NREP: variants seen among roughly 807,000 people sequenced by gnomAD.
NREP encodes the protein neuronal regeneration related protein.
Under a neutral mutation model 8.6 loss-of-function variants are expected in NREP, and 5 were observed. That is an observed-to-expected ratio of 0.58 (90% CI 0.30 to 1.22). The LOEUF (loss-of-function observed/expected upper bound fraction) is 1.22, where lower values mean the gene tolerates loss of function less well. NREP is among the 50% of genes most tolerant of loss of function. NREP has a pLI of 0.07. For missense variants in NREP, 86 were observed against 82.5 expected (o/e 1.04, Z -0.17); for synonymous variants, 27 against 28.0 (o/e 0.96, Z 0.11).
intron 2 of NREP, among the ~76,000 whole-genome samples, chr5:111,754,170 C>A (rs912413337): frequency 2.0e-5 from 3 of 152,176 alleles, no homozygotes; most frequent in Non-Finnish European, 4.4e-5. Flanking sequence ...TAAACGACAA[C>A]TGCAAAAAAA....
chr5:111,963,937 A>G (rs982861421), intron 2 of NREP, among the ~76,000 whole-genome samples: 3 of 152,224 alleles, frequency 2.0e-5, no homozygotes, highest in Non-Finnish European at 4.4e-5. Flanking sequence ...AGTAATACCA[A>G]TGTGCACATA....
At chr5:111,753,782 A>C (rs1750528841) in intron 2 of NREP, among the ~76,000 whole-genome samples, 1 of 152,186 alleles carries the variant, frequency 6.6e-6, no homozygotes, top group Non-Finnish European at 1.5e-5. Context: ...TAAGCCAGTT[A>C]CAGAGGTCCA....
At chr5:111,841,136 G>A (rs1753021313) in intron 2 of NREP, among the ~76,000 whole-genome samples, 1 of 152,044 alleles carries the variant, frequency 6.6e-6, no homozygotes, top group African/African-American at 2.4e-5. Context: ...CCAATACAAG[G>A]GTGCATTATC....
rs936320636 is a variant in NREP at position 111,735,496 on chromosome 5, T to C, written c.15A>G (p.Pro5=). The part of the protein sequence containing the change: MVYY[P]ELFVWVSQEP... ...CTTGACTGACCCAGACAAAGAGTTC[T>C]GGGTAATAAACCTATAGAGACACAA... The change falls in exon 3 of 4, where the codon CCA becomes CCG. Residue 5 remains proline, a synonymous_variant. Coordinates refer to ENST00000257435, the MANE Select transcript of NREP (RefSeq NM_004772.4). The C allele has an allele frequency of 6.8e-6, 11 of 1,612,230 alleles. No homozygotes were observed. Among genetic ancestry groups the C allele is most frequent in the African/African-American group, 1.3e-5 (1 of 74,908 alleles).
At chr5:111,923,464 A>C (rs1396755685) in intron 2 of NREP, among the ~76,000 whole-genome samples, 2 of 152,184 alleles carry the variant, frequency 1.3e-5, no homozygotes, top group African/African-American at 4.8e-5. Flanking sequence ...TTGAAGTGAG[A>C]GCAAGTTTTT....
chr5:111,953,234 A>C (rs1220472343), intron 2 of NREP, among the ~76,000 whole-genome samples: 1 of 152,140 alleles, frequency 6.6e-6, no homozygotes, highest in East Asian at 1.9e-4. Context: ...GCATAGGCTC[A>C]AAGCCCTGTC....
At chr5:111,838,259 G>A (rs866719015) in intron 2 of NREP, among the ~76,000 whole-genome samples, 3 of 151,966 alleles carry the variant, frequency 2.0e-5, no homozygotes, top group Admixed American at 1.3e-4. Flanking sequence ...TTGTGCTTAC[G>A]CACACCTCAG....
intron 2 of NREP, among the ~76,000 whole-genome samples, chr5:111,769,897 A>C (rs934185427): frequency 1.4e-4 from 21 of 152,190 alleles, no homozygotes; most frequent in Admixed American, 1.1e-3. Context: ...ATTTGACTTG[A>C]GATCTGGGTG....
intron 2 of NREP, among the ~76,000 whole-genome samples, chr5:111,901,774 T>A (rs1754653241): frequency 6.6e-6 from 1 of 151,992 alleles, no homozygotes; most frequent in African/African-American, 2.4e-5. Flanking sequence ...AAAATTGAAA[T>A]TATAAAATAC....
At chr5:111,940,050 A>G (rs1049526166) in intron 2 of NREP, 1 of 152,068 alleles carries the variant, frequency 6.6e-6, no homozygotes, top group South Asian at 2.1e-4. Flanking sequence ...TACAGTGAAG[A>G]AGAAGAATCA....
intron 2 of NREP, among the ~76,000 whole-genome samples, chr5:111,963,082 G>C (rs1274713105): frequency 2.0e-5 from 3 of 152,246 alleles, no homozygotes; most frequent in African/African-American, 7.2e-5. Context: ...AACGAGGCAA[G>C]GGGCCCACTG....
At chr5:111,948,190 A>T (rs1373723224) in intron 2 of NREP, among the ~76,000 whole-genome samples, 1 of 152,124 alleles carries the variant, frequency 6.6e-6, no homozygotes, top group Admixed American at 6.6e-5. Context: ...TAGTAATTTC[A>T]TCTTTCCTGT....
chr5:111,831,940 A>G (rs1429801575), intron 2 of NREP, among the ~76,000 whole-genome samples: 3 of 152,134 alleles, frequency 2.0e-5, no homozygotes, highest in African/African-American at 2.4e-5. Flanking sequence ...GGTTGAGTAC[A>G]CTGCTTGCTG....
At chr5:111,787,273 C>G (rs1279244681) in intron 2 of NREP, among the ~76,000 whole-genome samples, 1 of 152,144 alleles carries the variant, frequency 6.6e-6, no homozygotes, top group East Asian at 1.9e-4. Flanking sequence ...CACTTCAGCT[C>G]CAATGCCCAG....
chr5:111,805,788 C>T (rs543075909), intron 2 of NREP, among the ~76,000 whole-genome samples: 1 of 152,024 alleles, frequency 6.6e-6, no homozygotes, highest in Admixed American at 6.5e-5. Context: ...TCAAATATGG[C>T]AAAATGTTAA....
intron 2 of NREP, among the ~76,000 whole-genome samples, chr5:111,964,494 G>C (rs564777769): frequency 2.0e-5 from 3 of 152,174 alleles, no homozygotes; most frequent in South Asian, 4.1e-4. Context: ...AGCCACCTGA[G>C]AAGCTAGGAT....
intron 2 of NREP, among the ~76,000 whole-genome samples, chr5:111,944,736 A>C (rs1755929367): frequency 6.6e-6 from 1 of 152,140 alleles, no homozygotes; most frequent in Admixed American, 6.5e-5. Flanking sequence ...GGATGACTTC[A>C]AGATTGGTAT....
chr5:111,777,897 T>C (rs749096250), intron 2 of NREP, among the ~76,000 whole-genome samples: 1 of 152,140 alleles, frequency 6.6e-6, no homozygotes, highest in Non-Finnish European at 1.5e-5. Flanking sequence ...GCCTGTGTGA[T>C]GGCTCACATG....
intron 2 of NREP, among the ~76,000 whole-genome samples, chr5:111,822,140 T>A (rs529876445): frequency 1.3e-5 from 2 of 152,166 alleles, no homozygotes; most frequent in East Asian, 3.9e-4. Context: ...ACCTTCCCAT[T>A]GAAAACAACT....
Sources: allele counts gnomAD v4.1 joint callset (sites outside exome capture counted in the v4.1 genomes callset), GRCh38; gene constraint gnomAD v4.1.1; transcripts MANE v1.5; gene names NCBI Gene and HGNC (gene_info 2026-07-23, HGNC 2026-07-21).